Variants in ACOT7 observed in about 807,000 individuals in gnomAD.
ACOT7 encodes acyl-CoA thioesterase 7, also known as cytosolic acyl coenzyme A thioester hydrolase.
A neutral mutation model predicts 40.2 loss-of-function variants in ACOT7; 12 were observed. That is an observed-to-expected ratio of 0.30 (90% CI 0.19 to 0.48). ACOT7 has a LOEUF of 0.48. Ranked by LOEUF, ACOT7 falls within the 20% of genes least tolerant of loss-of-function variation. The pLI, the probability that ACOT7 is intolerant of heterozygous loss-of-function variation, is 0.99. For missense variants in ACOT7, 395 were observed against 530.8 expected, an observed-to-expected ratio of 0.74 and a Z score of 2.51; for synonymous variants, 228 against 219.5, an observed-to-expected ratio of 1.04 and a Z score of -0.34.
At chr1:6,322,223 C>A (rs192791271) in intron 5 of ACOT7, among the ~76,000 whole-genome samples, 1 of 123,934 alleles carries the variant, frequency 8.1e-6, no homozygotes, top group East Asian at 2.8e-4. Flanking sequence ...ATGCAAGGAC[C>A]TCTTGACGCA....
rs12735675 is a variant in ACOT7, at chr1:6,359,833, A to T, written c.144-9967T>A. 6.6e-6 allele frequency among the ~76,000 whole-genome samples: 1 copy of T among 152,136 alleles called. No individual in the cohort carries two copies. Among genetic ancestry groups the T allele is most frequent in the African/African-American group, 2.4e-5 (1 of 41,386 alleles). On this transcript the variant is annotated intron_variant, in intron 1 of 8. Coordinates refer to ENST00000361521, the MANE Select transcript of ACOT7 (RefSeq NM_007274.4). This position sits in a 1 kb window ranked among gnomAD's most constrained non-coding sequence, Gnocchi z 4.1. Reference sequence around the variant, plus strand: ...GAGTGCAGGCCGCACAGCCTCAACCAGGCTGCACCCGCCGGCCTCTGGGCA... The same window carrying T: ...GAGTGCAGGCCGCACAGCCTCAACCTGGCTGCACCCGCCGGCCTCTGGGCA...
chr1:6,346,825 G>C (rs1235141089), intron 2 of ACOT7, among the ~76,000 whole-genome samples: 1 of 152,182 alleles, frequency 6.6e-6, no homozygotes. Flanking sequence ...TTCCTGGAAG[G>C]TAGAGCAGTG....
At chr1:6,370,535 C>T (rs1642111112) in intron 1 of ACOT7, among the ~76,000 whole-genome samples, 1 of 150,034 alleles carries the variant, frequency 6.7e-6, no homozygotes, top group South Asian at 2.1e-4. Context: ...TGTCACCTGG[C>T]CTGGAGTGCA....
rs982161357 is a variant in ACOT7, at chr1:6,264,692, C to T, written c.1018G>A (p.Glu340Lys). 8.7e-6 allele frequency: 14 copies of T among 1,612,966 alleles called. No homozygotes were observed. Among genetic ancestry groups the T allele is most frequent in the South Asian group, 1.1e-5 (1 of 91,034 alleles). The stretch of plus-strand genomic sequence containing the variant: ...AAGCGCTTCTTCTCGTCCTCGGTCT[C>T]GGGCTGTGGACCACACACAGAGACA... Reference protein sequence around the residue: ...RSLPVPQLVPETEDEKKRFEE... With the variant: ...RSLPVPQLVPKTEDEKKRFEE... The change falls in exon 9 of 9, where the codon GAG becomes AAG. Residue 340 changes from glutamate (E) to lysine (K), a missense_variant. Glu to Lys is a moderately conservative substitution (Grantham distance 56). This residue lies in a region of ACOT7 where 309 missense variants were observed against 470.3 expected (regional missense o/e 0.66). Coordinates refer to ENST00000361521, the MANE Select transcript of ACOT7 (RefSeq NM_007274.4).
chr1:6,393,244 G>A lies in ACOT7; in HGVS notation c.143+13C>T. On this transcript the variant is annotated intron_variant, in intron 1 of 8. Transcript: ENST00000361521. ...GCCTGGCCGCTGCAGGCTGCGCGCG[G>A]GCCCTCTCTTACCGGCAGATCTGGA... The A allele has an allele frequency of 7.8e-7, 1 of 1,277,060 alleles. No individual in the cohort carries two copies. Among genetic ancestry groups the A allele is most frequent in the Non-Finnish European group, 9.9e-7 (1 of 1,010,900 alleles). 79.1% of individuals were successfully genotyped at this position (1,277,060 alleles called of 1,614,324 possible).
chr1:6,372,225 T>A (rs1642145308), intron 1 of ACOT7, among the ~76,000 whole-genome samples: 1 of 152,170 alleles, frequency 6.6e-6, no homozygotes, highest in Non-Finnish European at 1.5e-5. Flanking sequence ...TTCACGCTTT[T>A]CCTCTGCAGC....
In ACOT7 at chr1:6,393,656, C is replaced by T; in HGVS notation, c.-257G>A. ...CGGTGCGGGGAAGGCCCGCTAGCCG[C>T]GGCAGCCGCGCCCGACCCGGTGGCA... On this transcript the variant is annotated 5_prime_UTR_variant, in exon 1 of 9. Coordinates refer to ENST00000361521, the MANE Select transcript of ACOT7 (RefSeq NM_007274.4). 1 of 261,926 alleles carries T rather than the reference C, an allele frequency of 3.8e-6. No homozygotes were observed. The highest frequency in any genetic ancestry group is 7.1e-6 in the Non-Finnish European group (1 of 140,740). The allele number at this position is 261,926 out of a possible 1,614,324, so 16.2% of individuals were successfully genotyped here. A position where few individuals can be genotyped will look rare whatever the true frequency, so the allele number is the denominator to read the frequency against.
chr1:6,364,710 T>C (rs1641963139), intron 1 of ACOT7, among the ~76,000 whole-genome samples: 1 of 150,522 alleles, frequency 6.6e-6, no homozygotes, highest in East Asian at 2.0e-4. Context: ...TAGTTGGGCG[T>C]GGTTGCGCTC....
chr1:6,371,849 A>G (rs1487716939), intron 1 of ACOT7, among the ~76,000 whole-genome samples: 1 of 151,488 alleles, frequency 6.6e-6, no homozygotes, highest in Non-Finnish European at 1.5e-5. Flanking sequence ...GTTCGAGACC[A>G]GCCTGGCCAA....
chr1:6,270,438 C>T (rs846104), intron 8 of ACOT7, among the ~76,000 whole-genome samples: 112,389 of 152,146 alleles, frequency 0.74, 42,020 homozygotes, highest in Admixed American at 0.8. Context: ...GGGCACCCAC[C>T]TGTGGCCTCA....
intron 1 of ACOT7, among the ~76,000 whole-genome samples, chr1:6,369,491 C>T (rs1642086663): frequency 6.6e-6 from 1 of 150,616 alleles, no homozygotes. Flanking sequence ...ACTGCAACCT[C>T]CACCTCCTGG....
At position 6,339,485 on chromosome 1, in the gene ACOT7, G is replaced by C. The variant is rs376372571; in HGVS notation, c.366C>G (p.Ser122=). The C allele has an allele frequency of 6.2e-7, 1 of 1,613,628 alleles. No individual in the cohort carries two copies. Among genetic ancestry groups the C allele is most frequent in the Non-Finnish European group, 8.5e-7 (1 of 1,180,038 alleles). The change falls in exon 3 of 9, where the codon TCC becomes TCG. Residue 122 remains serine (S), a synonymous_variant. Coordinates refer to ENST00000361521, the MANE Select transcript of ACOT7 (RefSeq NM_007274.4). ...TGACCTGCACCTCCACAGAGTGCTT[G>C]GAGGTGTAGGTGATCTCCGCGCTGA... ...AHVSAEITYT[S]KHSVEVQVNV...
At chr1:6,363,356 A>AG (rs1452852023) in intron 1 of ACOT7, among the ~76,000 whole-genome samples, 1 of 152,042 alleles carries the variant, frequency 6.6e-6, no homozygotes, top group African/African-American at 2.4e-5. Flanking sequence ...CAGGAAAGGG[A>AG]GTCTCCCTTT....
rs543907478 is a variant in ACOT7 at position 6,372,574 on chromosome 1, A to G, written c.143+20683T>C. 9.6e-5 allele frequency among the ~76,000 whole-genome samples: 9 copies of G among 93,960 alleles called. No individual in the cohort carries two copies. In the East Asian group the frequency reaches 2.5e-3, roughly 26 times the overall value. The allele number at this position is 93,960 out of a possible 152,430, so 61.6% of individuals were successfully genotyped here. A position where few individuals can be genotyped will look rare whatever the true frequency, so the allele number is the denominator to read the frequency against. Reference sequence around the variant, plus strand: ...TTTGGCTTTTTTTTTTTTTTTTTTGAGAGTCTCGCTCTGTCGCCCAGGTTG... The same window carrying G: ...TTTGGCTTTTTTTTTTTTTTTTTTGGGAGTCTCGCTCTGTCGCCCAGGTTG... On this transcript the variant is annotated intron_variant, in intron 1 of 8. Transcript: ENST00000361521.
chr1:6,313,477 G>A (rs529266807), intron 6 of ACOT7, among the ~76,000 whole-genome samples: 161 of 152,312 alleles, frequency 1.1e-3, no homozygotes, highest in Non-Finnish European at 3.4e-4. Context: ...TTTCAGACGC[G>A]CAAAGCTTGG....
At chr1:6,303,698 G>A (rs1023123936) in intron 6 of ACOT7, among the ~76,000 whole-genome samples, 8 of 152,144 alleles carry the variant, frequency 5.3e-5, no homozygotes, top group African/African-American at 1.2e-4. Flanking sequence ...TACCCCACCC[G>A]TTAGTAATTA....
intron 7 of ACOT7, 55 bp from the exon 8 acceptor site, chr1:6,281,341 G>A (rs1446771472): frequency 7.1e-6 from 11 of 1,547,076 alleles, no homozygotes; most frequent in Admixed American, 5.1e-5. Flanking sequence ...GGCTGGGCGG[G>A]GGACACTGGC....
Position 6,289,207 on chromosome 1 carries a change from C to G in ACOT7, c.829+5657G>C, listed in dbSNP as rs895595592. The stretch of plus-strand genomic sequence containing the variant: ...ATCTGCCTCTCAGGTTCAAGCGATT[C>G]TCCTACCTCAGCCCCCCGAGTAGCT... On this transcript the variant is annotated intron_variant, in intron 7 of 8. Transcript: ENST00000361521. This position sits in a 1 kb window ranked among gnomAD's most constrained non-coding sequence, Gnocchi z 4.6. Among the ~76,000 whole-genome samples the G allele has an allele frequency of 6.6e-6, 1 of 152,154 alleles. No homozygotes were observed. The highest frequency in any genetic ancestry group is 2.1e-4 in the South Asian group (1 of 4,830).
chr1:6,279,926 C>T (rs781780973), intron 8 of ACOT7, among the ~76,000 whole-genome samples: 1 of 152,224 alleles, frequency 6.6e-6, no homozygotes, highest in Non-Finnish European at 1.5e-5. Context: ...GGGGAAGCGA[C>T]AGGCCGTGCT....
Sources: gnomAD v4.1 joint callset for allele counts (sites outside exome capture counted in the v4.1 genomes callset) on GRCh38, gnomAD v4.1.1 for gene constraint, gnomAD v4.1.1 regional missense constraint, Gnocchi (gnomAD v3.1) non-coding constraint, MANE v1.5 for transcripts, NCBI Gene and HGNC (gene_info 2026-07-23, HGNC 2026-07-21) for gene names.